UNC5D: variants seen among roughly 807,000 people sequenced by gnomAD.
UNC5D encodes the protein netrin receptor UNC5D.
In UNC5D, 39 loss-of-function variants were observed where a neutral mutation model predicts 105.4. The observed-to-expected ratio is 0.37, with a 90% CI of 0.29 to 0.48. UNC5D has a LOEUF of 0.48. Ranked by LOEUF, UNC5D falls within the 20% of genes least tolerant of loss-of-function variation. The pLI, the probability that UNC5D is intolerant of heterozygous loss-of-function variation, is 0.98. For synonymous variants in UNC5D, 452 were observed against 450.4 expected, an observed-to-expected ratio of 1.00 and a Z score of -0.04; for missense variants, 991 against 1,202.4, an observed-to-expected ratio of 0.82 and a Z score of 2.60.
chr8:35,405,114 AAAGCC>A (rs1302816417), intron 1 of UNC5D, among the ~76,000 whole-genome samples: 1 of 152,214 alleles, frequency 6.6e-6, no homozygotes, highest in African/African-American at 2.4e-5. Flanking sequence ...AAGAGCTGTT[AAAGCC>A]AAGAATTCAG....
At chr8:35,620,812 G>T (rs1369346968) in intron 4 of UNC5D, among the ~76,000 whole-genome samples, 1 of 152,110 alleles carries the variant, frequency 6.6e-6, no homozygotes, top group East Asian at 1.9e-4. Context: ...AGCAATTGTG[G>T]ATTCCTAAGG....
intron 1 of UNC5D, among the ~76,000 whole-genome samples, chr8:35,290,162 T>A (rs895709261): frequency 6.6e-6 from 1 of 152,064 alleles, no homozygotes; most frequent in African/African-American, 2.4e-5. Context: ...CACTTCTGGG[T>A]ATATATTCAA....
chr8:35,450,319 T>C (rs1808060331), intron 1 of UNC5D, among the ~76,000 whole-genome samples: 2 of 152,186 alleles, frequency 1.3e-5, no homozygotes, highest in Non-Finnish European at 2.9e-5. Context: ...GAGTTACTGG[T>C]CTTCTATCAA....
At chr8:35,357,775 T>A (rs1801642697) in intron 1 of UNC5D, among the ~76,000 whole-genome samples, 1 of 152,182 alleles carries the variant, frequency 6.6e-6, no homozygotes, top group Non-Finnish European at 1.5e-5. Flanking sequence ...ATATATGCTT[T>A]GGCTGATGGT....
At chr8:35,457,915 C>T (rs1808605021) in intron 1 of UNC5D, among the ~76,000 whole-genome samples, 1 of 152,114 alleles carries the variant, frequency 6.6e-6, no homozygotes, top group South Asian at 2.1e-4. Flanking sequence ...TCTACACAAT[C>T]CCAAATGATC....
chr8:35,365,591 C>CAAAAAAAAAAAAAAAAAAAAAAAAAA (rs10715369), intron 1 of UNC5D, among the ~76,000 whole-genome samples: 19 of 49,882 alleles, frequency 3.8e-4, no homozygotes, highest in African/African-American at 8.1e-4. Flanking sequence ...CCATCCCCTG[C>CAAAAAAAAAAAAAAAAAAAAAAAAAA]AAAAAAAAAA....
At chr8:35,305,314 A>G (rs778081867) in intron 1 of UNC5D, among the ~76,000 whole-genome samples, 2 of 152,110 alleles carry the variant, frequency 1.3e-5, no homozygotes, top group African/African-American at 2.4e-5. Flanking sequence ...GTAAGTTCTC[A>G]GTGGCTTATG....
At chr8:35,298,079 C>A (rs577142478) in intron 1 of UNC5D, among the ~76,000 whole-genome samples, 1 of 152,238 alleles carries the variant, frequency 6.6e-6, no homozygotes, top group African/African-American at 2.4e-5. Flanking sequence ...CCCCTGCTCA[C>A]CCACAGGGAC....
At chr8:35,303,443 G>A (rs1398721730) in intron 1 of UNC5D, among the ~76,000 whole-genome samples, 1 of 152,068 alleles carries the variant, frequency 6.6e-6, no homozygotes, top group Non-Finnish European at 1.5e-5. Context: ...ATATTCAGTA[G>A]AATACATGGC....
intron 1 of UNC5D, among the ~76,000 whole-genome samples, chr8:35,467,904 C>G (rs1039017613): frequency 2.0e-5 from 3 of 152,056 alleles, no homozygotes; most frequent in Admixed American, 1.3e-4. Flanking sequence ...CACCAATGAC[C>G]AATGTGATAT....
intron 1 of UNC5D, among the ~76,000 whole-genome samples, chr8:35,541,336 A>G (rs1417511016): frequency 6.6e-6 from 1 of 152,200 alleles, no homozygotes; most frequent in Non-Finnish European, 1.5e-5. Context: ...AGGCAGCTTT[A>G]GTCTAAACTT....
At chr8:35,641,365 G>GCAAAAAAAAAAAAAAAAAAA (rs1563621756) in intron 4 of UNC5D, among the ~76,000 whole-genome samples, 5 of 19,860 alleles carry the variant, frequency 2.5e-4, no homozygotes, top group African/African-American at 4.0e-4. Context: ...AAAAAATAAA[G>GCAAAAAAAAAAAAAAAAAAA]CAAAAAAAAA....
chr8:35,441,329 T>C lies in UNC5D; in HGVS notation c.104-107963T>C, dbSNP rs148207788. Reference sequence around the variant, plus strand: ...GAAATAACTTTTATTACAGTATTGTTACAATTATTCTATTTTATTAGTTAT... The same window carrying C: ...GAAATAACTTTTATTACAGTATTGTCACAATTATTCTATTTTATTAGTTAT... On this transcript the variant is annotated intron_variant, in intron 1 of 16. Transcript: ENST00000404895. Among the ~76,000 whole-genome samples, 14 of 152,102 alleles carry C rather than the reference T, an allele frequency of 9.2e-5. 1 individual carries two copies. Among genetic ancestry groups the C allele is most frequent in the Admixed American group, 5.3e-4 (8 of 15,232 alleles).
At chr8:35,511,555 T>C (rs1010994103) in intron 1 of UNC5D, among the ~76,000 whole-genome samples, 5 of 150,408 alleles carry the variant, frequency 3.3e-5, no homozygotes, top group African/African-American at 1.2e-4. Flanking sequence ...CTATGTTAAA[T>C]AGAAGAAAAC....
chr8:35,685,816 T>A (rs541732886), intron 6 of UNC5D, among the ~76,000 whole-genome samples: 1 of 152,306 alleles, frequency 6.6e-6, no homozygotes, highest in East Asian at 1.9e-4. Flanking sequence ...GTATTTTTTT[T>A]ATAGTACCCT....
Position 35,431,473 on chromosome 8 carries a change from C to G in UNC5D, c.104-117819C>G, listed in dbSNP as rs186177350. Among the ~76,000 whole-genome samples, 441 of 152,102 alleles carry G rather than the reference C, an allele frequency of 2.9e-3. 5 individuals carry two copies. Among genetic ancestry groups the G allele is most frequent in the African/African-American group, 0.01 (428 of 41,536 alleles). On this transcript the variant is annotated intron_variant, in intron 1 of 16. Coordinates refer to ENST00000404895, the MANE Select transcript of UNC5D (RefSeq NM_080872.4). ...TCAAGATGATCTTTACCATTATTTT[C>G]AAGGCTCCTTAAGTAAACAAAAAAG...
At chr8:35,592,450 G>A (rs982432475) in intron 3 of UNC5D, among the ~76,000 whole-genome samples, 7 of 152,076 alleles carry the variant, frequency 4.6e-5, no homozygotes, top group African/African-American at 1.7e-4. Context: ...TTCAAGGCTT[G>A]GAGCTCATAT....
chr8:35,430,882 T>A (rs370286782), intron 1 of UNC5D, among the ~76,000 whole-genome samples: 3 of 152,168 alleles, frequency 2.0e-5, no homozygotes, highest in East Asian at 3.8e-4. Flanking sequence ...AGCACCTTGG[T>A]GACAAATACT....
At chr8:35,716,295 G>A (rs904329585) in intron 8 of UNC5D, among the ~76,000 whole-genome samples, 1 of 152,164 alleles carries the variant, frequency 6.6e-6, no homozygotes, top group Non-Finnish European at 1.5e-5. Context: ...TCTTTATGAG[G>A]ATGAGAATGT....
Sources: gnomAD v4.1 joint callset for allele counts (sites outside exome capture counted in the v4.1 genomes callset) on GRCh38, gnomAD v4.1.1 for gene constraint, MANE v1.5 for transcripts, NCBI Gene and HGNC (gene_info 2026-07-23, HGNC 2026-07-21) for gene names.